DHRSX: variants seen among roughly 807,000 people sequenced by gnomAD.
The protein encoded by DHRSX is polyprenol dehydrogenase.
DHRSX carries 31 observed loss-of-function variants against 34.0 expected under a neutral mutation model. The observed-to-expected ratio is 0.91, with a 90% CI of 0.69 to 1.23. DHRSX has a LOEUF of 1.23. Among genes scored for constraint, DHRSX ranks in the 50% most tolerant of loss-of-function variants. The pLI, the probability that DHRSX is intolerant of heterozygous loss-of-function variation, is 0.00. For missense variants in DHRSX, 414 were observed against 428.1 expected (o/e 0.97, Z 0.29); for synonymous variants, 201 against 183.8 (o/e 1.09, Z -0.76).
At chrX:2,226,249 C>CT (rs1220356176) in intron 6 of DHRSX, among the ~76,000 whole-genome samples, 6 of 152,286 alleles carry the variant, frequency 3.9e-5, no homozygotes, top group Non-Finnish European at 7.4e-5. Context: ...TATACCCACA[C>CT]TTACCTGCTA....
chrX:2,326,232 A>C (rs2042384220), intron 3 of DHRSX, among the ~76,000 whole-genome samples: 1 of 152,140 alleles, frequency 6.6e-6, no homozygotes, highest in African/African-American at 2.4e-5. Flanking sequence ...AAGTAAGTTA[A>C]AAACTCCTGG....
intron 5 of DHRSX, among the ~76,000 whole-genome samples, chrX:2,254,691 G>A (rs1176652606): frequency 6.6e-6 from 1 of 152,118 alleles, no homozygotes; most frequent in Non-Finnish European, 1.5e-5. Context: ...TCTGTTGCTA[G>A]GGTGGAGTGC....
chrX:2,336,593 T>G (rs1325047030), intron 3 of DHRSX, among the ~76,000 whole-genome samples: 2 of 148,744 alleles, frequency 1.3e-5, no homozygotes, highest in African/African-American at 2.5e-5. Flanking sequence ...CGGTATTTTG[T>G]TTTTTGTTTT....
chrX:2,299,014 A>AAAAAAAAAAAAAAAAAAAAT (rs1191716751), intron 3 of DHRSX, among the ~76,000 whole-genome samples: 1 of 131,548 alleles, frequency 7.6e-6, no homozygotes. Flanking sequence ...AAAAAAAAAA[A>AAAAAAAAAAAAAAAAAAAAT]TGGGAAAAAT....
chrX:2,276,651 G>A (rs1181590492), intron 4 of DHRSX, among the ~76,000 whole-genome samples: 4 of 150,746 alleles, frequency 2.7e-5, no homozygotes, highest in Non-Finnish European at 4.4e-5. Flanking sequence ...GGTGTATCCT[G>A]AACGGGAGGA....
chrX:2,437,696 A>AT (rs2044011184), intron 1 of DHRSX, among the ~76,000 whole-genome samples: 3 of 92,266 alleles, frequency 3.3e-5, no homozygotes, highest in African/African-American at 1.2e-4. Context: ...AGAGAGAGAG[A>AT]GAGTGTGTGT....
intron 1 of DHRSX, among the ~76,000 whole-genome samples, chrX:2,453,792 G>C (rs1231840353): frequency 6.6e-6 from 1 of 152,054 alleles, no homozygotes; most frequent in Non-Finnish European, 1.5e-5. Context: ...ATGACTAAAA[G>C]TAGATTTGAC....
At chrX:2,291,644 A>C (rs1345717697) in intron 3 of DHRSX, 41 bp from the exon 4 acceptor site, 3 of 1,427,382 alleles carry the variant, frequency 2.1e-6, no homozygotes, top group South Asian at 1.1e-5. Flanking sequence ...GTTATCTCCC[A>C]ACCTATTTCA....
chrX:2,324,769 CTTTTT>C (rs570670358), intron 3 of DHRSX, among the ~76,000 whole-genome samples: 2 of 131,030 alleles, frequency 1.5e-5, no homozygotes, highest in Admixed American at 1.7e-4. Context: ...TTTTTCTTTT[CTTTTT>C]TTTTTTTTTT....
chrX:2,260,399 C>CCTCCAT (rs1415424170), intron 5 of DHRSX, among the ~76,000 whole-genome samples: 3 of 152,066 alleles, frequency 2.0e-5, no homozygotes, highest in Non-Finnish European at 4.4e-5. Context: ...CCAGTCTCCA[C>CCTCCAT]CTCCATCTCC....
intron 1 of DHRSX, among the ~76,000 whole-genome samples, chrX:2,443,595 A>C (rs753822111): frequency 8.3e-4 from 126 of 152,214 alleles, no homozygotes; most frequent in African/African-American, 2.8e-3. Flanking sequence ...CTCTGCTCTT[A>C]TTTTTAACTT....
At chrX:2,239,939 T>G (rs896356364) in intron 6 of DHRSX, among the ~76,000 whole-genome samples, 3 of 152,168 alleles carry the variant, frequency 2.0e-5, no homozygotes. Context: ...TATTTTGAAA[T>G]TCCTTTGCTT....
At chrX:2,360,723 T>C (rs1374123941) in intron 3 of DHRSX, among the ~76,000 whole-genome samples, 1 of 152,048 alleles carries the variant, frequency 6.6e-6, no homozygotes. Flanking sequence ...TCCTTGCCTT[T>C]GTCACTCACT....
intron 1 of DHRSX, among the ~76,000 whole-genome samples, chrX:2,481,031 T>C (rs1021724842): frequency 6.6e-6 from 1 of 152,116 alleles, no homozygotes; most frequent in Admixed American, 6.5e-5. Flanking sequence ...AATTAGCTTG[T>C]TAATATGTTA....
At chrX:2,462,635 A>G (rs1383812969) in intron 1 of DHRSX, among the ~76,000 whole-genome samples, 1 of 152,162 alleles carries the variant, frequency 6.6e-6, no homozygotes, top group Non-Finnish European at 1.5e-5. Flanking sequence ...CAAAAGTTAC[A>G]TGTCAGAAAC....
chrX:2,472,400 A>G (rs2044607119), intron 1 of DHRSX, among the ~76,000 whole-genome samples: 1 of 152,144 alleles, frequency 6.6e-6, no homozygotes, highest in Non-Finnish European at 1.5e-5. Context: ...TACCTGGTTG[A>G]TGAATTAATC....
chrX:2,344,564 G>A (rs2042677441), intron 3 of DHRSX, among the ~76,000 whole-genome samples: 1 of 151,982 alleles, frequency 6.6e-6, no homozygotes, highest in South Asian at 2.1e-4. Flanking sequence ...GTCCTTTGCA[G>A]GGACATGGAT....
intron 1 of DHRSX, among the ~76,000 whole-genome samples, chrX:2,464,045 G>A (rs973875209): frequency 5.9e-5 from 9 of 152,118 alleles, no homozygotes; most frequent in African/African-American, 2.2e-4. Flanking sequence ...CACTGGAGAC[G>A]TTCCCTAAGT....
chrX:2,239,629 C>T (rs1361119349), intron 6 of DHRSX, among the ~76,000 whole-genome samples: 2 of 151,918 alleles, frequency 1.3e-5, no homozygotes, highest in Non-Finnish European at 2.9e-5. Flanking sequence ...ATTAGCCAGA[C>T]GTGGTGGCGG....
Sources: gnomAD v4.1 joint callset for allele counts (sites outside exome capture counted in the v4.1 genomes callset) on GRCh38, gnomAD v4.1.1 for gene constraint, MANE v1.5 for transcripts, NCBI Gene and HGNC (gene_info 2026-07-23, HGNC 2026-07-21) for gene names.